The following DYM variants were observed in gnomAD, a reference collection of about 807,000 sequenced individuals.
DYM encodes the protein dyggve-Melchior-Clausen syndrome protein.
In DYM, 78 loss-of-function variants were observed where a neutral mutation model predicts 93.1. The ratio of observed to expected loss-of-function variants is 0.84; its 90% CI spans 0.70 to 1.01. The LOEUF (loss-of-function observed/expected upper bound fraction) is 1.01, where lower values mean the gene tolerates loss of function less well. Among genes scored for constraint, DYM ranks in the 50% least tolerant of loss-of-function variants. The pLI is 0.00. For synonymous variants in DYM, 321 were observed against 319.7 expected (o/e 1.00, Z -0.04); for missense variants, 789 against 845.0 (o/e 0.93, Z 0.82).
intron 11 of DYM, among the ~76,000 whole-genome samples, chr18:49,269,987 T>G (rs963789327): frequency 2.6e-5 from 4 of 152,226 alleles, no homozygotes; most frequent in African/African-American, 9.6e-5. Context: ...TGTATTTTTA[T>G]GGTAGCTTTT....
At chr18:49,346,785 G>A (rs1405949747) in intron 6 of DYM, among the ~76,000 whole-genome samples, 1 of 152,158 alleles carries the variant, frequency 6.6e-6, no homozygotes, top group Non-Finnish European at 1.5e-5. Context: ...TTATGTGGAA[G>A]CAAGGTGAAA....
At chr18:49,381,947 C>T (rs967915023) in intron 3 of DYM, among the ~76,000 whole-genome samples, 6 of 150,216 alleles carry the variant, frequency 4.0e-5, no homozygotes, top group East Asian at 1.9e-4. Context: ...GGTTTGCAAA[C>T]GCATCTCTGT....
intron 1 of DYM, among the ~76,000 whole-genome samples, chr18:49,432,193 T>C (rs1386321605): frequency 4.0e-5 from 6 of 151,886 alleles, no homozygotes; most frequent in African/African-American, 1.2e-4. Context: ...TAGTCTGGCA[T>C]GGTGGTGCAT....
chr18:49,333,875 G>A (rs1344860763), intron 6 of DYM, 22 bp from the exon 7 acceptor site: 1 of 1,596,738 alleles, frequency 6.3e-7, no homozygotes, highest in Non-Finnish European at 8.6e-7. Context: ...GAAAAACAGA[G>A]TAACAGTCAC....
chr18:49,326,339 T>G (rs1380520068), intron 8 of DYM, among the ~76,000 whole-genome samples: 2 of 152,166 alleles, frequency 1.3e-5, no homozygotes, highest in Non-Finnish European at 2.9e-5. Context: ...AATTTTTTCT[T>G]GTACTGGAAA....
intron 13 of DYM, among the ~76,000 whole-genome samples, chr18:49,222,065 C>G (rs1370963801): frequency 6.6e-6 from 1 of 151,700 alleles, no homozygotes; most frequent in African/African-American, 2.4e-5. Flanking sequence ...ACATTATATA[C>G]TCAGTGGGTT....
intron 8 of DYM, among the ~76,000 whole-genome samples, chr18:49,302,059 G>A (rs552604923): frequency 4.6e-5 from 7 of 152,230 alleles, no homozygotes; most frequent in Non-Finnish European, 8.8e-5. Context: ...TAAAACTTGC[G>A]TGCAAAGAAA....
Position 49,124,524 on chromosome 18 carries a change from AG to A in DYM, c.1729-5599del, listed in dbSNP as rs1486455282. 1.8e-3 allele frequency among the ~76,000 whole-genome samples: 253 copies of A among 143,888 alleles called. 3 individuals are homozygous for A. The highest frequency in any genetic ancestry group is 0.015 in the Admixed American group (218 of 14,330). The allele number at this position is 143,888 out of a possible 152,430, so 94.4% of individuals were successfully genotyped here. ...ACCCTGTCTCAAAAAAAAAAAAAAA[AG>A]AAACTTTATATTAATAAGCATGTTC... On this transcript the variant is annotated intron_variant, in intron 15 of 17. Transcript: ENST00000675505.
At chr18:49,130,220 C>A (rs2083258087) in intron 15 of DYM, among the ~76,000 whole-genome samples, 1 of 152,140 alleles carries the variant, frequency 6.6e-6, no homozygotes, top group African/African-American at 2.4e-5. Flanking sequence ...AGTAAAGAAA[C>A]ACTGAAAAAA....
intron 6 of DYM, among the ~76,000 whole-genome samples, chr18:49,341,223 G>C (rs917344119): frequency 3.9e-5 from 6 of 152,182 alleles, no homozygotes; most frequent in African/African-American, 1.2e-4. Context: ...GGATGTGGTG[G>C]CTCATGCCTG....
At chr18:49,375,193 G>GACACACACACACAC (rs34631271) in intron 5 of DYM, among the ~76,000 whole-genome samples, 147 of 137,992 alleles carry the variant, frequency 1.1e-3, no homozygotes, top group African/African-American at 3.7e-3. Flanking sequence ...AAGGGGAAAA[G>GACACACACACACAC]ACACACACAC....
intron 17 of DYM, among the ~76,000 whole-genome samples, chr18:49,052,966 C>T (rs957133147): frequency 4.6e-5 from 7 of 152,176 alleles, no homozygotes; most frequent in Admixed American, 1.3e-4. Context: ...CTTCTCTTTC[C>T]GAGATACTTG....
At chr18:49,268,031 A>G (rs1398892081) in intron 11 of DYM, among the ~76,000 whole-genome samples, 1 of 152,210 alleles carries the variant, frequency 6.6e-6, no homozygotes, top group Admixed American at 6.5e-5. Context: ...TTTTCTTAAA[A>G]CTGCATGTGA....
intron 8 of DYM, among the ~76,000 whole-genome samples, chr18:49,327,501 C>T (rs1350357205): frequency 3.3e-5 from 5 of 151,964 alleles, no homozygotes; most frequent in South Asian, 2.1e-4. Flanking sequence ...GGTCTGCAGG[C>T]GCGCACCACC....
chr18:49,215,803 A>G (rs2093006706), intron 13 of DYM, among the ~76,000 whole-genome samples: 1 of 152,262 alleles, frequency 6.6e-6, no homozygotes, highest in South Asian at 2.1e-4. Context: ...GCTCCGGTCT[A>G]CAGCTCCCAG....
chr18:49,090,134 C>G (rs2078911297), intron 17 of DYM, among the ~76,000 whole-genome samples: 1 of 152,170 alleles, frequency 6.6e-6, no homozygotes, highest in Non-Finnish European at 1.5e-5. Flanking sequence ...ATTTATAAGC[C>G]TGTGTTTACT....
At chr18:49,361,743 CGTA>C (rs1241918923) in intron 6 of DYM, among the ~76,000 whole-genome samples, 3 of 151,922 alleles carry the variant, frequency 2.0e-5, no homozygotes, top group Non-Finnish European at 4.4e-5. Flanking sequence ...TTTTTTGTGA[CGTA>C]GTCTCGCTCT....
chr18:49,321,065 AAAGC>A, intron 8 of DYM: 1 of 254,152 alleles, frequency 3.9e-6, no homozygotes, highest in Non-Finnish European at 7.4e-6. Flanking sequence ...TAACAGTTTC[AAAGC>A]AAATAAGTTT....
chr18:49,095,814 C>G (rs558646411), intron 17 of DYM, among the ~76,000 whole-genome samples: 7 of 152,182 alleles, frequency 4.6e-5, no homozygotes, highest in African/African-American at 1.7e-4. Flanking sequence ...AGCCTGCACA[C>G]TGTAATTCAT....
Sources: gnomAD v4.1 joint callset for allele counts (sites outside exome capture counted in the v4.1 genomes callset) on GRCh38, gnomAD v4.1.1 for gene constraint, MANE v1.5 for transcripts, NCBI Gene and HGNC (gene_info 2026-07-23, HGNC 2026-07-21) for gene names.